ROR1: variants seen among roughly 807,000 people sequenced by gnomAD.
ROR1 encodes the protein ROR family WNT receptor 1, also known as inactive tyrosine-protein kinase transmembrane receptor ROR1.
A neutral mutation model predicts 78.8 loss-of-function variants in ROR1; 19 were observed. That is an observed-to-expected ratio of 0.24 (90% CI 0.17 to 0.35). The LOEUF is 0.35. Among genes scored for constraint, ROR1 ranks in the 10% least tolerant of loss-of-function variants. The pLI, the probability that ROR1 is intolerant of heterozygous loss-of-function variation, is 1.00. For missense variants in ROR1, 917 were observed against 1,177.8 expected (o/e 0.78, Z 3.24); for synonymous variants, 386 against 433.6 (o/e 0.89, Z 1.36).
chr1:64,007,935 G>A (rs1450130210), intron 1 of ROR1, among the ~76,000 whole-genome samples: 6 of 144,592 alleles, frequency 4.1e-5, no homozygotes, highest in African/African-American at 1.3e-4. Context: ...TTTTAGGGGC[G>A]AGGTGTATTT....
intron 1 of ROR1, among the ~76,000 whole-genome samples, chr1:63,878,482 G>A (rs973466555): frequency 1.7e-5 from 2 of 116,518 alleles, no homozygotes; most frequent in African/African-American, 6.4e-5. Context: ...TCACCACATT[G>A]TAGCTGGAGT....
intron 1 of ROR1, among the ~76,000 whole-genome samples, chr1:64,008,823 C>G (rs1234644646): frequency 6.6e-6 from 1 of 151,926 alleles, no homozygotes; most frequent in Non-Finnish European, 1.5e-5. Flanking sequence ...TTAGTAGAGA[C>G]GGGGTTTCAT....
chr1:64,049,603 C>A, intron 2 of ROR1, 88 bp from the exon 3 acceptor site: 1 of 1,190,130 alleles, frequency 8.4e-7, no homozygotes, highest in Non-Finnish European at 1.2e-6. Flanking sequence ...TCTCTGTGAT[C>A]CCAAGGGTAC....
At chr1:63,844,088 ACCTTTGTAG>A (rs1645065885) in intron 1 of ROR1, among the ~76,000 whole-genome samples, 1 of 152,122 alleles carries the variant, frequency 6.6e-6, no homozygotes, top group Non-Finnish European at 1.5e-5. Flanking sequence ...CAGTGACTTA[ACCTTTGTAG>A]CCTGTTTCCT....
intron 1 of ROR1, among the ~76,000 whole-genome samples, chr1:63,826,436 G>C (rs1053837158): frequency 1.3e-5 from 2 of 151,922 alleles, no homozygotes; most frequent in African/African-American, 4.8e-5. Flanking sequence ...TTCTTTTTTA[G>C]GGCTGCATAG....
At chr1:63,780,495 C>T (rs1644644394) in intron 1 of ROR1, among the ~76,000 whole-genome samples, 2 of 152,164 alleles carry the variant, frequency 1.3e-5, no homozygotes, top group South Asian at 4.2e-4. Context: ...CCTAACACAG[C>T]ACCATGGACT....
intron 1 of ROR1, among the ~76,000 whole-genome samples, chr1:63,918,297 G>A (rs374633553): frequency 6.6e-6 from 1 of 152,208 alleles, no homozygotes; most frequent in East Asian, 1.9e-4. Context: ...CTTGGTATGA[G>A]CAGCACATCA....
chr1:64,122,587 G>T (rs1281443481), intron 4 of ROR1, among the ~76,000 whole-genome samples: 3 of 152,190 alleles, frequency 2.0e-5, no homozygotes, highest in Non-Finnish European at 4.4e-5. Flanking sequence ...TGGGCTGTCA[G>T]TAGGCCACCA....
At position 64,014,740 on chromosome 1, in the gene ROR1, CTATATATATATA is replaced by C. The variant is rs1208813882; in HGVS notation, c.163+5387_163+5398del. On this transcript the variant is annotated intron_variant, in intron 2 of 8. Coordinates refer to ENST00000371079, the MANE Select transcript of ROR1 (RefSeq NM_005012.4). ...ATATATATATATACACATACGCACA[CTATATATATATA>C]TATATATATATATATATATATACAC... Among the ~76,000 whole-genome samples, 57 of 29,058 alleles carry C rather than the reference CTATATATATATA, an allele frequency of 2.0e-3. 4 individuals carry two copies. In the East Asian group the frequency reaches 0.21, roughly 108 times the overall value. 19.1% of individuals were successfully genotyped at this position (29,058 alleles called of 152,430 possible). A position where few individuals can be genotyped will look rare whatever the true frequency, so the allele number is the denominator to read the frequency against.
chr1:63,939,233 G>T (rs1250518228), intron 1 of ROR1, among the ~76,000 whole-genome samples: 1 of 152,018 alleles, frequency 6.6e-6, no homozygotes, highest in East Asian at 1.9e-4. Flanking sequence ...CATTAGAATT[G>T]TGTAGGCATC....
At chr1:63,994,391 C>G (rs1161325405) in intron 1 of ROR1, among the ~76,000 whole-genome samples, 2 of 152,144 alleles carry the variant, frequency 1.3e-5, no homozygotes, top group African/African-American at 4.8e-5. Context: ...AGTAGGATAT[C>G]AATAACTCTC....
chr1:64,072,978 G>A (rs914245722), intron 4 of ROR1, among the ~76,000 whole-genome samples: 2 of 152,136 alleles, frequency 1.3e-5, no homozygotes, highest in African/African-American at 4.8e-5. Context: ...GAAAAAACAA[G>A]ATAAATAAAA....
chr1:63,785,217 C>G (rs1211023139), intron 1 of ROR1, among the ~76,000 whole-genome samples: 1 of 152,238 alleles, frequency 6.6e-6, no homozygotes, highest in Non-Finnish European at 1.5e-5. Context: ...TTCACTCCAA[C>G]TGGGGTGTTT....
intron 1 of ROR1, among the ~76,000 whole-genome samples, chr1:63,809,304 G>T (rs529129714): frequency 2.6e-4 from 40 of 152,170 alleles, no homozygotes; most frequent in Non-Finnish European, 5.0e-4. Context: ...CCCCCACAGG[G>T]TAATGAATGC....
intron 1 of ROR1, among the ~76,000 whole-genome samples, chr1:63,811,993 C>T (rs1644862978): frequency 6.7e-6 from 1 of 148,204 alleles, no homozygotes; most frequent in East Asian, 2.0e-4. Context: ...CAGAGTCTCG[C>T]CCTGTCTCCC....
At chr1:63,800,388 C>T (rs1644788353) in intron 1 of ROR1, among the ~76,000 whole-genome samples, 1 of 152,130 alleles carries the variant, frequency 6.6e-6, no homozygotes, top group Non-Finnish European at 1.5e-5. Flanking sequence ...GGGTCTTTTT[C>T]TTATTCTTCT....
At chr1:64,118,557 C>T (rs567609322) in intron 4 of ROR1, among the ~76,000 whole-genome samples, 90 of 137,462 alleles carry the variant, frequency 6.5e-4, no homozygotes, top group Admixed American at 1.3e-3. Context: ...AACCGGGACT[C>T]GGGAGGCAGA....
Position 63,972,812 on chromosome 1 carries a change from T to C in ROR1, c.92-36493T>C, listed in dbSNP as rs1338937047. The stretch of plus-strand genomic sequence containing the variant: ...CATGTTGGAATATGGGCCTAGTGTT[T>C]TGAGATTTTCCATTTTTTCAAGAAA... On this transcript the variant is annotated intron_variant, in intron 1 of 8. Coordinates refer to ENST00000371079, the MANE Select transcript of ROR1 (RefSeq NM_005012.4). Among the ~76,000 whole-genome samples the C allele has an allele frequency of 2.0e-5, 3 of 152,364 alleles. No individual in the cohort carries two copies. The East Asian group carries it at 5.8e-4, about 29-fold the overall frequency.
chr1:64,144,002 T>C (rs1042358033), intron 7 of ROR1, among the ~76,000 whole-genome samples: 9 of 152,166 alleles, frequency 5.9e-5, no homozygotes, highest in African/African-American at 1.9e-4. Context: ...GGGAAGCTAC[T>C]GCAGGAATGC....
Sources: gnomAD v4.1 joint callset for allele counts (sites outside exome capture counted in the v4.1 genomes callset) on GRCh38, gnomAD v4.1.1 for gene constraint, MANE v1.5 for transcripts, NCBI Gene and HGNC (gene_info 2026-07-23, HGNC 2026-07-21) for gene names.